ELP4: variants seen among roughly 807,000 people sequenced by gnomAD.
The protein encoded by ELP4 is elongator complex protein 4.
Under a neutral mutation model 48.9 loss-of-function variants are expected in ELP4, and 51 were observed. The observed-to-expected ratio is 1.04, with a 90% CI of 0.83 to 1.32. The LOEUF is 1.32. Ranked by LOEUF, ELP4 falls within the 40% of genes most tolerant of loss-of-function variation. The probability of loss-of-function intolerance (pLI) is 0.00; values close to 1 mark genes in which losing one functional copy is unlikely to be tolerated. For missense variants in ELP4, 519 were observed against 514.6 expected, an observed-to-expected ratio of 1.01 and a Z score of -0.08; for synonymous variants, 210 against 189.2, an observed-to-expected ratio of 1.11 and a Z score of -0.90.
chr11:31,586,019 A>C (rs1023737212), intron 3 of ELP4, among the ~76,000 whole-genome samples: 1 of 152,224 alleles, frequency 6.6e-6, no homozygotes, highest in African/African-American at 2.4e-5. Context: ...CAGGAGTTCA[A>C]GGAAAAAGAA....
intron 9 of ELP4, among the ~76,000 whole-genome samples, chr11:31,722,681 C>G (rs1324549344): frequency 1.5e-5 from 2 of 133,962 alleles, no homozygotes; most frequent in African/African-American, 6.4e-5. Context: ...CTCTCTCTCT[C>G]TCTCTCTCTC....
chr11:31,564,573 C>T (rs555049040), intron 3 of ELP4, among the ~76,000 whole-genome samples: 1 of 152,178 alleles, frequency 6.6e-6, no homozygotes, highest in South Asian at 2.1e-4. Flanking sequence ...GTTCCCCTTC[C>T]TGGGTCCAAG....
intron 3 of ELP4, among the ~76,000 whole-genome samples, chr11:31,557,002 T>G (rs1290470186): frequency 1.3e-5 from 2 of 151,890 alleles, no homozygotes; most frequent in Non-Finnish European, 3.0e-5. Flanking sequence ...TAGAAAATCT[T>G]TCATAATTGA....
chr11:31,649,374 A>G (rs922777832), intron 8 of ELP4: 6 of 151,642 alleles, frequency 4.0e-5, no homozygotes, highest in African/African-American at 1.5e-4. Context: ...CCATGTCTTC[A>G]TCTGTGGGAA....
chr11:31,691,834 G>T (rs979023169), intron 9 of ELP4, among the ~76,000 whole-genome samples: 1 of 152,152 alleles, frequency 6.6e-6, no homozygotes, highest in African/African-American at 2.4e-5. Flanking sequence ...ACACAAAGCT[G>T]GTTATTCATC....
chr11:31,576,869 A>G (rs973608297), intron 3 of ELP4, among the ~76,000 whole-genome samples: 2 of 152,208 alleles, frequency 1.3e-5, no homozygotes, highest in African/African-American at 2.4e-5. Context: ...CCCTAACATC[A>G]CAATTAAAAG....
chr11:31,735,833 A>G (rs1258065520), intron 9 of ELP4, among the ~76,000 whole-genome samples: 1 of 152,192 alleles, frequency 6.6e-6, no homozygotes, highest in Non-Finnish European at 1.5e-5. Flanking sequence ...AGAGGATAAA[A>G]ACAAATGGAA....
intron 9 of ELP4, among the ~76,000 whole-genome samples, chr11:31,745,491 T>C (rs1462149119): frequency 6.6e-6 from 1 of 152,132 alleles, no homozygotes; most frequent in Non-Finnish European, 1.5e-5. Flanking sequence ...CTTCAAACTA[T>C]ACCACAAGGC....
intron 9 of ELP4, among the ~76,000 whole-genome samples, chr11:31,748,310 C>T (rs1292701022): frequency 6.7e-6 from 1 of 148,824 alleles, no homozygotes; most frequent in Admixed American, 6.8e-5. Flanking sequence ...AGTGGTGCAA[C>T]CTCAGCTCAC....
chr11:31,710,191 T>C (rs1008876231), intron 9 of ELP4, among the ~76,000 whole-genome samples: 1 of 152,236 alleles, frequency 6.6e-6, no homozygotes, highest in Non-Finnish European at 1.5e-5. Flanking sequence ...GAAATTACTG[T>C]TGGCCAGCAT....
chr11:31,539,721 A>T lies in ELP4; in HGVS notation c.319A>T (p.Ile107Phe). 2 of 1,612,002 alleles carry T rather than the reference A, an allele frequency of 1.2e-6. No individual in the cohort carries two copies. Among genetic ancestry groups the T allele is most frequent in the Non-Finnish European group, 1.7e-6 (2 of 1,178,966 alleles). Residue 107 changes from isoleucine to phenylalanine, a missense_variant, in exon 3 of 10, where the codon ATT (isoleucine) becomes TTT (phenylalanine). Physicochemically the swap from Ile to Phe is conservative, Grantham distance 21 (BLOSUM62 0). Coordinates refer to ENST00000640961, the MANE Select transcript of ELP4 (RefSeq NM_019040.5). ...CTTCAAGTATTTCCTGGCAGAAGGA[A>T]TTGTCAATGGGCATACTTTGTTGGT... ...LLFKYFLAEG[I>F]VNGHTLLVAS...
At position 31,789,647 on chromosome 11, in the gene ELP4, T is replaced by A. The variant is rs924735815; in HGVS notation, c.*6123T>A. 5.7e-6 allele frequency: 4 copies of A among 698,246 alleles called. No homozygotes were observed. The highest frequency in any genetic ancestry group is 5.3e-5 in the African/African-American group (3 of 56,858). The allele number at this position is 698,246 out of a possible 1,614,324, so 43.3% of individuals were successfully genotyped here. ...CATCCAGTCTACATTGTTCTTTTTTTCATTATAACATACAAATGCCCATTT... is the reference window on the plus strand; with the variant it reads ...CATCCAGTCTACATTGTTCTTTTTTACATTATAACATACAAATGCCCATTT... On this transcript the variant is annotated 3_prime_UTR_variant, in exon 10 of 10. Transcript: ENST00000640961.
Position 31,617,635 on chromosome 11 carries a change from C to A in ELP4, c.654-9475C>A, listed in dbSNP as rs1592162565. 2.0e-5 allele frequency among the ~76,000 whole-genome samples: 3 copies of A among 150,674 alleles called. No homozygotes were observed. The South Asian group carries it at 6.3e-4, about 32-fold the overall frequency. ...GGAAAAACAGATTGGATTTGAAAATCAGCATATTCTGTTAATAGAAGATAA... is the reference window on the plus strand; with the variant it reads ...GGAAAAACAGATTGGATTTGAAAATAAGCATATTCTGTTAATAGAAGATAA... On this transcript the variant is annotated intron_variant, in intron 5 of 9. Coordinates refer to ENST00000640961, the MANE Select transcript of ELP4 (RefSeq NM_019040.5).
chr11:31,582,479 A>C (rs1957408043), intron 3 of ELP4, among the ~76,000 whole-genome samples: 2 of 151,926 alleles, frequency 1.3e-5, no homozygotes, highest in Admixed American at 1.3e-4. Flanking sequence ...TTACCAAATT[A>C]TTATTCTCTT....
rs1035203922 is a variant in ELP4 at position 31,636,731 on chromosome 11, T to C, written c.927+4326T>C. 2.0e-4 allele frequency among the ~76,000 whole-genome samples: 30 copies of C among 152,154 alleles called. 1 individual carries two copies. The highest frequency in any genetic ancestry group is 3.4e-3 in the Middle Eastern group (1 of 294). ...ATGTTTTATGTTCAGTCCCACAACT[T>C]TGAACTTGAAATTTCTTATTTCCTT... On this transcript the variant is annotated intron_variant, in intron 7 of 9. Coordinates refer to ENST00000640961, the MANE Select transcript of ELP4 (RefSeq NM_019040.5).
intron 7 of ELP4, among the ~76,000 whole-genome samples, chr11:31,642,975 C>A (rs1945129451): frequency 6.6e-6 from 1 of 151,610 alleles, no homozygotes; most frequent in South Asian, 2.1e-4. Flanking sequence ...ATCCTTGGAT[C>A]CAAGCTTATT....
chr11:31,619,964 T>C (rs553296929), intron 5 of ELP4, among the ~76,000 whole-genome samples: 1 of 152,112 alleles, frequency 6.6e-6, no homozygotes, highest in South Asian at 2.1e-4. Context: ...CCATAGCAGG[T>C]AGAAAATGTG....
At chr11:31,777,894 C>T (rs1948282569) in intron 9 of ELP4, among the ~76,000 whole-genome samples, 1 of 152,152 alleles carries the variant, frequency 6.6e-6, no homozygotes, top group Non-Finnish European at 1.5e-5. Flanking sequence ...GCTACTTAGC[C>T]TGTACTCTAG....
At chr11:31,764,411 G>A (rs963853486) in intron 9 of ELP4, among the ~76,000 whole-genome samples, 2 of 152,138 alleles carry the variant, frequency 1.3e-5, no homozygotes, top group African/African-American at 2.4e-5. Context: ...GTCATTTGCT[G>A]CTTCATATTG....
Sources: gnomAD v4.1 joint callset for allele counts (sites outside exome capture counted in the v4.1 genomes callset) on GRCh38, gnomAD v4.1.1 for gene constraint, MANE v1.5 for transcripts, NCBI Gene and HGNC (gene_info 2026-07-23, HGNC 2026-07-21) for gene names.